Variants in GRID2 observed in about 807,000 individuals in gnomAD.
GRID2 encodes the protein glutamate receptor ionotropic, delta-2.
Under a neutral mutation model 114.8 loss-of-function variants are expected in GRID2, and 33 were observed. The observed-to-expected ratio is 0.29, with a 90% CI of 0.22 to 0.38. GRID2 has a LOEUF of 0.38. GRID2 is among the 10% of genes least tolerant of loss of function. GRID2 has a pLI of 1.00. For synonymous variants in GRID2, 505 were observed against 449.9 expected, an observed-to-expected ratio of 1.12 and a Z score of -1.55; for missense variants, 1,184 against 1,257.7, an observed-to-expected ratio of 0.94 and a Z score of 0.89.
intron 1 of GRID2, among the ~76,000 whole-genome samples, chr4:93,794,334 C>G (rs930354672): frequency 1.3e-5 from 2 of 152,136 alleles, no homozygotes; most frequent in Non-Finnish European, 2.9e-5. Context: ...TTAATCCAAG[C>G]GTTACAAATG....
downstream of GRID2, among the ~76,000 whole-genome samples, chr4:93,779,418 G>T (rs1734436692): frequency 6.6e-6 from 1 of 152,122 alleles, no homozygotes; most frequent in Admixed American, 6.5e-5. Flanking sequence ...CTGGTGTACT[G>T]AAGCTTTGAT....
intron 8 of GRID2, among the ~76,000 whole-genome samples, chr4:93,387,503 G>T (rs903843176): frequency 6.6e-6 from 1 of 152,110 alleles, no homozygotes; most frequent in Non-Finnish European, 1.5e-5. Flanking sequence ...TGTTGGCTAT[G>T]TATTGAGATA....
At chr4:92,541,126 C>T (rs1002502027) in intron 1 of GRID2, among the ~76,000 whole-genome samples, 8 of 151,944 alleles carry the variant, frequency 5.3e-5, no homozygotes, top group Admixed American at 1.3e-4. Flanking sequence ...GAGAACATCA[C>T]ACACTGGGGC....
chr4:92,619,770 C>CTTTTTTT (rs1553908374), intron 2 of GRID2, among the ~76,000 whole-genome samples: 57 of 151,588 alleles, frequency 3.8e-4, no homozygotes, highest in Admixed American at 1.1e-3. Context: ...TGTTGTATGT[C>CTTTTTTT]TTTGTTTTTT....
intron 8 of GRID2, among the ~76,000 whole-genome samples, chr4:93,342,247 C>G (rs1759739987): frequency 1.3e-5 from 2 of 152,200 alleles, no homozygotes; most frequent in South Asian, 4.2e-4. Context: ...CCATCCTTAG[C>G]CCTTTGCACT....
chr4:92,931,809 T>A (rs952348716), intron 2 of GRID2, among the ~76,000 whole-genome samples: 1 of 151,186 alleles, frequency 6.6e-6, no homozygotes, highest in Non-Finnish European at 1.5e-5. Context: ...AGTAGAGATA[T>A]TTATCCACAC....
chr4:92,945,056 A>G (rs1166961045), intron 2 of GRID2, among the ~76,000 whole-genome samples: 1 of 152,154 alleles, frequency 6.6e-6, no homozygotes, highest in Non-Finnish European at 1.5e-5. Context: ...CTACTTGAAA[A>G]TATTTCTGAT....
At chr4:92,946,665 T>G (rs1024771992) in intron 2 of GRID2, among the ~76,000 whole-genome samples, 3 of 152,068 alleles carry the variant, frequency 2.0e-5, no homozygotes, top group Admixed American at 6.6e-5. Flanking sequence ...CTCTAAGACA[T>G]AAACTGTTTT....
chr4:93,021,785 T>A (rs1578774070), intron 2 of GRID2, among the ~76,000 whole-genome samples: 1 of 146,298 alleles, frequency 6.8e-6, no homozygotes, highest in African/African-American at 2.5e-5. Context: ...ACAATATGTA[T>A]ATTATATATT....
At chr4:93,571,684 A>G (rs1735943485) in intron 13 of GRID2, among the ~76,000 whole-genome samples, 1 of 152,146 alleles carries the variant, frequency 6.6e-6, no homozygotes, top group Non-Finnish European at 1.5e-5. Flanking sequence ...AGAAAAGTTT[A>G]AGTCAAGAAA....
chr4:93,271,916 T>C (rs151126241), intron 8 of GRID2, among the ~76,000 whole-genome samples: 183 of 152,348 alleles, frequency 1.2e-3, no homozygotes, highest in African/African-American at 4.3e-3. Flanking sequence ...ATGTATTCTC[T>C]TATTTGATCC....
chr4:93,290,233 C>T (rs1310765017), intron 8 of GRID2, among the ~76,000 whole-genome samples: 8 of 152,158 alleles, frequency 5.3e-5, no homozygotes, highest in South Asian at 2.1e-4. Flanking sequence ...TACTAATGTT[C>T]GGTTTAGTAG....
chr4:93,599,731 C>CAA (rs1739479430), intron 13 of GRID2, among the ~76,000 whole-genome samples: 1 of 152,152 alleles, frequency 6.6e-6, no homozygotes, highest in African/African-American at 2.4e-5. Flanking sequence ...AGAAACTGCA[C>CAA]AAGGAAAGAG....
intron 8 of GRID2, among the ~76,000 whole-genome samples, chr4:93,269,586 G>A: frequency 6.6e-6 from 1 of 152,158 alleles, no homozygotes; most frequent in East Asian, 1.9e-4. Context: ...GTTATTTCCT[G>A]GAACTAAATG....
chr4:93,162,627 T>C (rs1191762004), intron 4 of GRID2, among the ~76,000 whole-genome samples: 2 of 152,018 alleles, frequency 1.3e-5, no homozygotes, highest in African/African-American at 4.8e-5. Context: ...GAATTTATTT[T>C]ACAGGTACAT....
intron 2 of GRID2, among the ~76,000 whole-genome samples, chr4:93,035,750 G>T (rs1578809739): frequency 6.6e-6 from 1 of 152,286 alleles, no homozygotes; most frequent in African/African-American, 2.4e-5. Flanking sequence ...TTACAGGGCA[G>T]ATCACAATGT....
intron 2 of GRID2, among the ~76,000 whole-genome samples, chr4:92,756,382 C>T (rs914522728): frequency 6.6e-6 from 1 of 152,008 alleles, no homozygotes; most frequent in Non-Finnish European, 1.5e-5. Flanking sequence ...TTTGCTATTG[C>T]GTAGTGCCGC....
chr4:93,670,647 C>T (rs1221496495), intron 14 of GRID2, among the ~76,000 whole-genome samples: 7 of 152,138 alleles, frequency 4.6e-5, no homozygotes, highest in Non-Finnish European at 8.8e-5. Flanking sequence ...GTGTCTGCCC[C>T]TAGAGGTAAG....
chr4:92,934,326 T>C (rs921067063), intron 2 of GRID2, among the ~76,000 whole-genome samples: 1 of 151,782 alleles, frequency 6.6e-6, no homozygotes, highest in Non-Finnish European at 1.5e-5. Context: ...ATGGTTTGGC[T>C]CTCTGTCTGT....
Sources: allele counts gnomAD v4.1 joint callset (sites outside exome capture counted in the v4.1 genomes callset), GRCh38; gene constraint gnomAD v4.1.1; transcripts MANE v1.5; gene names NCBI Gene and HGNC (gene_info 2026-07-23, HGNC 2026-07-21).